Variants in ZNF385D observed in about 807,000 individuals in gnomAD.
ZNF385D encodes zinc finger protein 385D.
In ZNF385D, 15 loss-of-function variants were observed where a neutral mutation model predicts 35.8. The observed-to-expected ratio is 0.42, with a 90% CI of 0.28 to 0.64. The LOEUF (loss-of-function observed/expected upper bound fraction) is 0.64, where lower values mean the gene tolerates loss of function less well. Ranked by LOEUF, ZNF385D falls within the 30% of genes least tolerant of loss-of-function variation. The pLI is 0.23. For synonymous variants in ZNF385D, 212 were observed against 186.8 expected, an observed-to-expected ratio of 1.13 and a Z score of -1.10; for missense variants, 474 against 494.6, an observed-to-expected ratio of 0.96 and a Z score of 0.39.
chr3:22,240,946 G>T (rs1305229765), intron 2 of ZNF385D, among the ~76,000 whole-genome samples: 1 of 150,780 alleles, frequency 6.6e-6, no homozygotes, highest in African/African-American at 2.5e-5. Context: ...TTAATAATTT[G>T]TTTGCTTCTA....
intron 2 of ZNF385D, among the ~76,000 whole-genome samples, chr3:22,341,331 C>T (rs1695411326): frequency 6.6e-6 from 1 of 152,118 alleles, no homozygotes; most frequent in Non-Finnish European, 1.5e-5. Context: ...ACAATCACAC[C>T]CATCTATGAC....
chr3:21,872,982 C>T (rs1697771604), intron 3 of ZNF385D, among the ~76,000 whole-genome samples: 1 of 152,094 alleles, frequency 6.6e-6, no homozygotes, highest in South Asian at 2.1e-4. Flanking sequence ...TATTTCGTGC[C>T]AGTCGATTTA....
intron 2 of ZNF385D, among the ~76,000 whole-genome samples, chr3:22,181,252 C>A (rs1389770296): frequency 6.6e-6 from 1 of 151,954 alleles, no homozygotes; most frequent in East Asian, 1.9e-4. Context: ...TTTTCTTATA[C>A]CCAGATAAAT....
chr3:21,758,269 C>T (rs192406378), intron 3 of ZNF385D, among the ~76,000 whole-genome samples: 129 of 152,256 alleles, frequency 8.5e-4, no homozygotes, highest in African/African-American at 1.7e-3. Context: ...AATTCCTTGG[C>T]GGTTTCAACA....
intron 1 of ZNF385D, among the ~76,000 whole-genome samples, chr3:21,684,804 T>A (rs2067052560): frequency 6.6e-6 from 1 of 152,188 alleles, no homozygotes; most frequent in Admixed American, 6.5e-5. Flanking sequence ...GTTAAGAATG[T>A]CACATTTTTA....
At chr3:21,587,492 A>T (rs888086871) in intron 2 of ZNF385D, among the ~76,000 whole-genome samples, 2 of 152,212 alleles carry the variant, frequency 1.3e-5, no homozygotes, top group African/African-American at 4.8e-5. Context: ...GACAACACAG[A>T]CCATCATATG....
At chr3:21,990,479 T>C (rs1183442391) in intron 3 of ZNF385D, among the ~76,000 whole-genome samples, 2 of 152,214 alleles carry the variant, frequency 1.3e-5, no homozygotes, top group Non-Finnish European at 2.9e-5. Flanking sequence ...GATCATTGTT[T>C]CCATTTCTGC....
chr3:21,448,555 A>G (rs1032593957), intron 4 of ZNF385D, among the ~76,000 whole-genome samples: 7 of 152,208 alleles, frequency 4.6e-5, no homozygotes, highest in Non-Finnish European at 1.5e-5. Context: ...AATAAAAATC[A>G]GAGAAAACAT....
intron 3 of ZNF385D, among the ~76,000 whole-genome samples, chr3:21,902,617 A>G (rs180886965): frequency 3.9e-4 from 59 of 152,322 alleles, no homozygotes; most frequent in African/African-American, 1.1e-3. Context: ...AAGAAACAGC[A>G]GAATGGTGTC....
chr3:21,556,654 C>T (rs918734365), intron 3 of ZNF385D, among the ~76,000 whole-genome samples: 1 of 152,140 alleles, frequency 6.6e-6, no homozygotes, highest in African/African-American at 2.4e-5. Flanking sequence ...AGCCAGGTAA[C>T]ATGATAACCT....
chr3:21,809,222 T>C (rs1274693460), intron 3 of ZNF385D, among the ~76,000 whole-genome samples: 1 of 151,966 alleles, frequency 6.6e-6, no homozygotes, highest in African/African-American at 2.4e-5. Context: ...ATAACTACTC[T>C]TGAAAAAATG....
intron 4 of ZNF385D, among the ~76,000 whole-genome samples, chr3:21,501,664 C>T (rs1706379926): frequency 6.6e-6 from 1 of 152,124 alleles, no homozygotes; most frequent in Non-Finnish European, 1.5e-5. Context: ...TTGTTCAACT[C>T]TTTTGTAATA....
At chr3:21,900,562 T>G (rs1334643928) in intron 3 of ZNF385D, among the ~76,000 whole-genome samples, 1 of 152,028 alleles carries the variant, frequency 6.6e-6, no homozygotes, top group African/African-American at 2.4e-5. Flanking sequence ...TTTAGGTTCT[T>G]AGAAAAATAG....
intron 4 of ZNF385D, among the ~76,000 whole-genome samples, chr3:21,483,298 A>G (rs1704774150): frequency 6.6e-6 from 1 of 152,166 alleles, no homozygotes; most frequent in Admixed American, 6.6e-5. Flanking sequence ...GATCTATCCA[A>G]ATTATACATA....
chr3:22,280,260 C>T (rs1407649320), intron 2 of ZNF385D, among the ~76,000 whole-genome samples: 1 of 151,862 alleles, frequency 6.6e-6, no homozygotes, highest in Non-Finnish European at 1.5e-5. Context: ...TTCTGCTGTT[C>T]AGAAGTTTTT....
At chr3:22,096,397 G>A (rs183057756) in intron 3 of ZNF385D, among the ~76,000 whole-genome samples, 1 of 151,754 alleles carries the variant, frequency 6.6e-6, no homozygotes, top group Non-Finnish European at 1.5e-5. Context: ...TGTTTAAATA[G>A]GGCTTCTTGA....
At chr3:21,771,313 C>G (rs2071069373) in intron 3 of ZNF385D, among the ~76,000 whole-genome samples, 1 of 150,228 alleles carries the variant, frequency 6.7e-6, no homozygotes, top group Non-Finnish European at 1.5e-5. Context: ...CAGCCTAAAA[C>G]AATCAACAAA....
intron 3 of ZNF385D, among the ~76,000 whole-genome samples, chr3:21,868,659 C>T (rs1028695452): frequency 9.2e-5 from 14 of 152,100 alleles, no homozygotes; most frequent in Non-Finnish European, 2.1e-4. Context: ...AACCATTGGA[C>T]ACAGTGGAGA....
intron 2 of ZNF385D, among the ~76,000 whole-genome samples, chr3:22,315,894 T>C (rs1186525853): frequency 6.6e-6 from 1 of 152,202 alleles, no homozygotes; most frequent in Non-Finnish European, 1.5e-5. Context: ...ATTAGGATTA[T>C]AGGAAGGGTC....
Sources: allele counts gnomAD v4.1 joint callset (sites outside exome capture counted in the v4.1 genomes callset), GRCh38; gene constraint gnomAD v4.1.1; transcripts MANE v1.5; gene names NCBI Gene and HGNC (gene_info 2026-07-23, HGNC 2026-07-21).